Variants in MLLT3 observed in about 807,000 individuals in gnomAD.
MLLT3 encodes MLLT3 super elongation complex subunit, also known as protein AF-9.
Under a neutral mutation model 53.2 loss-of-function variants are expected in MLLT3, and 4 were observed. That is an observed-to-expected ratio of 0.08 (90% CI 0.04 to 0.17). The LOEUF (loss-of-function observed/expected upper bound fraction) is 0.17. MLLT3 is among the 10% of genes least tolerant of loss of function. The pLI is 1.00. For missense variants in MLLT3, 569 were observed against 684.0 expected (o/e 0.83, Z 1.87); for synonymous variants, 283 against 230.6 (o/e 1.23, Z -2.06).
intron 2 of MLLT3, among the ~76,000 whole-genome samples, chr9:20,549,431 T>C (rs1191021165): frequency 6.6e-6 from 1 of 151,936 alleles, no homozygotes; most frequent in Non-Finnish European, 1.5e-5. Context: ...ATATTAGTAG[T>C]AATAATAATA....
chr9:20,544,202 A>C (rs2119016624), intron 2 of MLLT3, among the ~76,000 whole-genome samples: 1 of 152,286 alleles, frequency 6.6e-6, no homozygotes, highest in East Asian at 1.9e-4. Flanking sequence ...ACTTTATAAA[A>C]CTCCTAGAAG....
At chr9:20,513,650 G>A (rs1222723786) in intron 2 of MLLT3, among the ~76,000 whole-genome samples, 1 of 152,180 alleles carries the variant, frequency 6.6e-6, no homozygotes, top group Non-Finnish European at 1.5e-5. Flanking sequence ...AGCAGTCCAT[G>A]CAGGGTACGG....
chr9:20,369,777 A>G (rs574273489), intron 5 of MLLT3, among the ~76,000 whole-genome samples: 1 of 152,226 alleles, frequency 6.6e-6, no homozygotes, highest in Admixed American at 6.5e-5. Flanking sequence ...ATCATCATCA[A>G]CAGGGTTATA....
intron 2 of MLLT3, among the ~76,000 whole-genome samples, chr9:20,544,444 T>TC (rs769008244): frequency 2.6e-5 from 4 of 152,180 alleles, no homozygotes; most frequent in Non-Finnish European, 5.9e-5. Flanking sequence ...CAGACATTTC[T>TC]CCAAAGAAAA....
chr9:20,364,957 T>C (rs1489624961), intron 6 of MLLT3, among the ~76,000 whole-genome samples: 2 of 152,190 alleles, frequency 1.3e-5, no homozygotes, highest in African/African-American at 2.4e-5. Context: ...CACTTGATCA[T>C]GAGTAGAGAA....
At chr9:20,437,217 C>G (rs184531964) in intron 4 of MLLT3, among the ~76,000 whole-genome samples, 2 of 152,106 alleles carry the variant, frequency 1.3e-5, no homozygotes, top group African/African-American at 2.4e-5. Flanking sequence ...TAAGGCTGAT[C>G]AATCCAAAGT....
chr9:20,458,002 A>C (rs1486309328), intron 2 of MLLT3, among the ~76,000 whole-genome samples: 2 of 151,414 alleles, frequency 1.3e-5, no homozygotes, highest in African/African-American at 4.9e-5. Flanking sequence ...ACCTACCAAA[A>C]CCCCTCTGCT....
intron 1 of MLLT3, chr9:20,622,005 G>T (rs1021336008): frequency 7.2e-7 from 1 of 1,392,460 alleles, no homozygotes; most frequent in African/African-American, 1.5e-5. Flanking sequence ...GGCGCGGGGG[G>T]TGGAGGGGCG....
intron 2 of MLLT3, among the ~76,000 whole-genome samples, chr9:20,516,513 T>C (rs1327377086): frequency 1.3e-5 from 2 of 152,272 alleles, no homozygotes; most frequent in East Asian, 3.8e-4. Flanking sequence ...CTATTGATGC[T>C]ATTGTATTAA....
At position 20,403,036 on chromosome 9, in the gene MLLT3, G is replaced by T. The variant is rs748943347; in HGVS notation, c.1125+10685C>A. 2.4e-4 allele frequency among the ~76,000 whole-genome samples: 36 copies of T among 151,976 alleles called. 1 individual carries two copies. The highest frequency in any genetic ancestry group is 1.3e-4 in the Non-Finnish European group (9 of 68,010). On this transcript the variant is annotated intron_variant, in intron 5 of 10. Transcript: ENST00000380338. ...AGGAGGAGAGTTTGGGAAAGTGAGT[G>T]AAGGATGTGCGAATCACTGCAAACT...
intron 2 of MLLT3, among the ~76,000 whole-genome samples, chr9:20,480,801 G>A (rs1824642798): frequency 6.6e-6 from 1 of 152,188 alleles, no homozygotes; most frequent in South Asian, 2.1e-4. Flanking sequence ...TAATATCTCA[G>A]AGGGCCTCAT....
intron 4 of MLLT3, among the ~76,000 whole-genome samples, chr9:20,446,102 G>A (rs539476738): frequency 6.6e-6 from 1 of 152,246 alleles, no homozygotes; most frequent in African/African-American, 2.4e-5. Flanking sequence ...ATATGAAATA[G>A]ACAGAATCTG....
chr9:20,399,483 A>C (rs1822401982), intron 5 of MLLT3, among the ~76,000 whole-genome samples: 1 of 152,130 alleles, frequency 6.6e-6, no homozygotes, highest in Non-Finnish European at 1.5e-5. Flanking sequence ...TGACGGAAAA[A>C]CAATCATCAT....
intron 8 of MLLT3, among the ~76,000 whole-genome samples, chr9:20,358,016 T>C (rs561382066): frequency 4.4e-5 from 5 of 113,608 alleles, no homozygotes; most frequent in South Asian, 5.6e-4. Context: ...CACACACACA[T>C]TCAAATACGA....
rs1818482962 is a variant in MLLT3, at chr9:20,536,283, G to A, written c.194-79497C>T. ...GCTTTGTGGTATTTATCCTACAAGT[G>A]AGGTAGAGCTCATACTTCTAGCTCA... On this transcript the variant is annotated intron_variant, in intron 2 of 10. Coordinates refer to ENST00000380338, the MANE Select transcript of MLLT3 (RefSeq NM_004529.4). Among the ~76,000 whole-genome samples the A allele has an allele frequency of 2.0e-5, 3 of 152,208 alleles. No homozygotes were observed. The South Asian group carries it at 6.2e-4, about 32-fold the overall frequency.
intron 5 of MLLT3, among the ~76,000 whole-genome samples, chr9:20,404,532 T>C (rs138541678): frequency 5.7e-4 from 87 of 152,236 alleles, no homozygotes; most frequent in African/African-American, 1.9e-3. Flanking sequence ...TTTGAAACGG[T>C]CTCACTACAT....
intron 2 of MLLT3, among the ~76,000 whole-genome samples, chr9:20,585,517 G>C (rs1461866954): frequency 2.0e-5 from 3 of 152,224 alleles, no homozygotes; most frequent in Non-Finnish European, 4.4e-5. Flanking sequence ...AAAAGTGGCT[G>C]TGTCACTGTG....
chr9:20,556,014 T>C (rs1238263948), intron 2 of MLLT3, among the ~76,000 whole-genome samples: 1 of 152,144 alleles, frequency 6.6e-6, no homozygotes, highest in Non-Finnish European at 1.5e-5. Context: ...TTTTCATTTT[T>C]GACAAGTTTT....
At chr9:20,573,283 G>A (rs1375498363) in intron 2 of MLLT3, among the ~76,000 whole-genome samples, 1 of 151,564 alleles carries the variant, frequency 6.6e-6, no homozygotes, top group Non-Finnish European at 1.5e-5. Context: ...GGGCTGAAGT[G>A]ATCCTCCTGC....
Sources: allele counts gnomAD v4.1 joint callset (sites outside exome capture counted in the v4.1 genomes callset), GRCh38; gene constraint gnomAD v4.1.1; transcripts MANE v1.5; gene names NCBI Gene and HGNC (gene_info 2026-07-23, HGNC 2026-07-21).